Variants in ZNF347 observed in about 807,000 individuals in gnomAD.
ZNF347 encodes zinc finger protein 347, also known as CTD-2620I22.7.
Under a neutral mutation model 12.9 loss-of-function variants are expected in ZNF347, and 19 were observed. The observed-to-expected ratio is 1.47, with a 90% CI of 1.03 to 2.16. The LOEUF is 2.16. Among genes scored for constraint, ZNF347 ranks in the 30% most tolerant of loss-of-function variants. The pLI, the probability that ZNF347 is intolerant of heterozygous loss-of-function variation, is 0.00. For missense variants in ZNF347, 1,005 were observed against 990.6 expected, an observed-to-expected ratio of 1.01 and a Z score of -0.19; for synonymous variants, 328 against 340.6, an observed-to-expected ratio of 0.96 and a Z score of 0.41.
At chr19:53,150,562 C>T (rs184180378) in intron 2 of ZNF347, among the ~76,000 whole-genome samples, 10 of 152,234 alleles carry the variant, frequency 6.6e-5, no homozygotes, top group South Asian at 6.2e-4. Flanking sequence ...ATGTCTAACA[C>T]ACCAAGTGAT....
chr19:53,146,014 T>G (rs1158541850), intron 4 of ZNF347, among the ~76,000 whole-genome samples: 1 of 152,010 alleles, frequency 6.6e-6, no homozygotes, highest in Non-Finnish European at 1.5e-5. Context: ...TTGCTCTTGT[T>G]GCCTGGGCTG....
chr19:53,150,261 T>C (rs1228381783), intron 2 of ZNF347, among the ~76,000 whole-genome samples: 1 of 152,162 alleles, frequency 6.6e-6, no homozygotes, highest in Non-Finnish European at 1.5e-5. Context: ...CAGTGCAGAA[T>C]TGCTCCCTTG....
intron 2 of ZNF347, among the ~76,000 whole-genome samples, chr19:53,151,534 T>TAAAA (rs34905550): frequency 5.0e-5 from 4 of 80,338 alleles, no homozygotes; most frequent in Non-Finnish European, 9.8e-5. Flanking sequence ...CAAGACTGTC[T>TAAAA]AAAAAAAAAA....
In ZNF347 at chr19:53,138,966, C is replaced by A. The variant is rs892687827; in HGVS notation, c.*1342G>T. 9 of 152,004 alleles carry A rather than the reference C, an allele frequency of 5.9e-5. No homozygotes were observed. The highest frequency in any genetic ancestry group is 2.2e-4 in the African/African-American group (9 of 41,370). 9.4% of individuals were successfully genotyped at this position (152,004 alleles called of 1,614,324 possible). A position where few individuals can be genotyped will look rare whatever the true frequency, so the allele number is the denominator to read the frequency against. ...ATTCTGGTTTTTCTGACCAAGCTCT[C>A]CACTCTAATAACTGTTACCTCTTCA... On this transcript the variant is annotated 3_prime_UTR_variant, in exon 5 of 5. Transcript: ENST00000334197.
intron 3 of ZNF347, 121 bp downstream of exon 3, chr19:53,149,119 AT>A: frequency 1.3e-6 from 2 of 1,541,396 alleles, no homozygotes; most frequent in Non-Finnish European, 1.7e-6. Flanking sequence ...GGAGATTTTC[AT>A]TTTTCAGTCA....
At position 53,148,749 on chromosome 19, in the gene ZNF347, G is replaced by A. The variant is rs758532440; in HGVS notation, c.203C>T (p.Thr68Ile). 7 of 1,613,744 alleles carry A rather than the reference G, an allele frequency of 4.3e-6. No homozygotes were observed. Among genetic ancestry groups the A allele is most frequent in the Non-Finnish European group, 5.9e-6 (7 of 1,179,678 alleles). ...TGCTATTTGTACTTGGCTCTCCAAA[G>A]TGAAAGGCTCCTTCCCTTGCTCCAA... is the stretch of plus-strand genomic sequence containing the variant. The part of the protein sequence containing the change: ...SMLEQGKEPF[T>I]LESQVQIAGN... Residue 68 changes from threonine (T) to isoleucine (I), a missense_variant, in exon 4 of 5, where the codon ACT (threonine) becomes ATT (isoleucine). Coordinates refer to ENST00000334197, the MANE Select transcript of ZNF347 (RefSeq NM_032584.3).
rs2090404645 is a variant in ZNF347 at position 53,139,298 on chromosome 19, T to G, written c.*1010A>C. The G allele has an allele frequency of 6.6e-6, 1 of 152,132 alleles. No individual in the cohort carries two copies. The highest frequency in any genetic ancestry group is 2.4e-5 in the African/African-American group (1 of 41,420). The allele number at this position is 152,132 out of a possible 1,614,324, so 9.4% of individuals were successfully genotyped here. ...TGCCCCAAAACCATGGTCTCTCAAT[T>G]GAGAGAATATTTAATTTTACAAGGC... On this transcript the variant is annotated 3_prime_UTR_variant, in exon 5 of 5. Coordinates refer to ENST00000334197, the MANE Select transcript of ZNF347 (RefSeq NM_032584.3).
Position 53,140,369 on chromosome 19 carries a change from C to T in ZNF347, c.2459G>A (p.Cys820Tyr). The T allele has an allele frequency of 6.2e-7, 1 of 1,600,608 alleles. No homozygotes were observed. The highest frequency in any genetic ancestry group is 2.2e-5 in the East Asian group (1 of 44,838). Residue 820 changes from cysteine (C) to tyrosine (Y), a missense_variant, in exon 5 of 5, where the codon TGT becomes TAT. Coordinates refer to ENST00000334197, the MANE Select transcript of ZNF347 (RefSeq NM_032584.3). Reference protein sequence around the residue: ...TIHTGGKPYKCNVWKVLKSEF... With the variant: ...TIHTGGKPYKYNVWKVLKSEF... ...TGACTTTAGAACTTTCCACACGTTA[C>T]ATTTGTAAGGTTTCCCACCAGTATG...
intron 4 of ZNF347, among the ~76,000 whole-genome samples, chr19:53,145,759 A>C (rs2090458828): frequency 6.6e-6 from 1 of 152,068 alleles, no homozygotes; most frequent in South Asian, 2.1e-4. Flanking sequence ...AAAGCAGCAA[A>C]AAGAGGAAAG....
chr19:53,150,741 C>A (rs73583164), intron 2 of ZNF347, among the ~76,000 whole-genome samples: 1 of 152,078 alleles, frequency 6.6e-6, no homozygotes, highest in East Asian at 1.9e-4. Context: ...TATTTATTTA[C>A]TTACTTACTT....
chr19:53,148,571 C>G, intron 4 of ZNF347, 110 bp downstream of exon 4: 1 of 1,275,402 alleles, frequency 7.8e-7, no homozygotes, highest in Non-Finnish European at 1.1e-6. Context: ...GATTTCTGTT[C>G]TGAGGTCACA....
Position 53,138,367 on chromosome 19 carries a change from T to C in ZNF347, c.*1941A>G, listed in dbSNP as rs2090398450. 6.6e-6 allele frequency: 1 copy of C among 152,052 alleles called. No individual in the cohort carries two copies. The highest frequency in any genetic ancestry group is 2.4e-5 in the African/African-American group (1 of 41,366). 9.4% of individuals were successfully genotyped at this position (152,052 alleles called of 1,614,324 possible). A position where few individuals can be genotyped will look rare whatever the true frequency, so the allele number is the denominator to read the frequency against. ...CCTGGACTCAAGTGACCCCCCTGCC[T>C]TGGGCTCTCAAAGTGCTAGGATTAC... is the stretch of plus-strand genomic sequence containing the variant. On this transcript the variant is annotated 3_prime_UTR_variant, in exon 5 of 5. Coordinates refer to ENST00000334197, the MANE Select transcript of ZNF347 (RefSeq NM_032584.3).
In ZNF347 at chr19:53,141,972, C is replaced by T; in HGVS notation, c.856G>A (p.Glu286Lys). 2 of 1,614,064 alleles carry T rather than the reference C, an allele frequency of 1.2e-6. No homozygotes were observed. The highest frequency in any genetic ancestry group is 1.7e-6 in the Non-Finnish European group (2 of 1,180,004). ...CACTCATAACATTTGTAAGGTTTCT[C>T]TTTAGTATGACTTCTCTGATGACTT... The part of the protein sequence containing the change: ...LASHQRSHTK[E>K]KPYKCYECGK... Residue 286 changes from glutamate (E) to lysine (K), a missense_variant, in exon 5 of 5, where the codon GAG becomes AAG. Transcript: ENST00000334197.
In ZNF347 at chr19:53,141,084, A is replaced by C. The variant is rs2090421850; in HGVS notation, c.1744T>G (p.Ser582Ala). 7.4e-6 allele frequency: 12 copies of C among 1,613,814 alleles called. No homozygotes were observed. Among genetic ancestry groups the C allele is most frequent in the Non-Finnish European group, 9.3e-6 (11 of 1,179,944 alleles). ...NECGKVFTQN[S>A]HLARHRGIHT... Reference sequence around the variant, plus strand: ...ATTCCCCGATGTCTTGCAAGGTGTGAATTCTGAGTGAAGACCTTGCCACAC... The same window carrying C: ...ATTCCCCGATGTCTTGCAAGGTGTGCATTCTGAGTGAAGACCTTGCCACAC... The change falls in exon 5 of 5, where the codon TCA becomes GCA. Residue 582 changes from serine (S) to alanine (A), a missense_variant. Transcript: ENST00000334197.
Position 53,141,826 on chromosome 19 carries a change from TTG to T in ZNF347, c.1000_1001del (p.Gln334ThrfsTer12). On this transcript the variant is annotated frameshift_variant, in exon 5 of 5. Transcript: ENST00000334197. LOFTEE classifies it low-confidence loss of function (END_TRUNC). ...TCTCTCCAGTGTGAATTTTCTGATG[TTG>T]TGAGAGTTGTGAATTTCGACTAAAG... ...KVFSRNSQLSQHQKIHTGEKP... is the reference protein window; with the variant it reads ...KVFSRNSQLSXHQKIHTGEKP... 1 of 1,614,074 alleles carries T rather than the reference TTG, an allele frequency of 6.2e-7. No homozygotes were observed. The highest frequency in any genetic ancestry group is 8.5e-7 in the Non-Finnish European group (1 of 1,179,996).
At chr19:53,150,674 G>A (rs145343900) in intron 2 of ZNF347, among the ~76,000 whole-genome samples, 5 of 152,152 alleles carry the variant, frequency 3.3e-5, no homozygotes, top group Admixed American at 6.6e-5. Flanking sequence ...TGTGATCATC[G>A]CAATAACAAT....
chr19:53,141,318 G>A lies in ZNF347; in HGVS notation c.1510C>T (p.Gln504Ter). The A allele has an allele frequency of 6.2e-7, 1 of 1,613,690 alleles. No homozygotes were observed. The highest frequency in any genetic ancestry group is 8.5e-7 in the Non-Finnish European group (1 of 1,179,948). ...GGCTTTTCTCCAGTATGGATGACCTGATGGGTAGTTAGGTTTGAATGTGCT... is the reference window on the plus strand; with the variant it reads ...GGCTTTTCTCCAGTATGGATGACCTAATGGGTAGTTAGGTTTGAATGTGCT... Reference protein sequence around the residue: ...FRAHSNLTTHQVIHTGEKPYK... With the variant: ...FRAHSNLTTH The change falls in exon 5 of 5, where the codon CAG becomes TAG. Residue 504 changes from glutamine to a stop codon, truncating the protein, a stop_gained. Transcript: ENST00000334197. LOFTEE classifies it low-confidence loss of function (END_TRUNC).
chr19:53,149,147 A>G (rs912101140), intron 3 of ZNF347, 94 bp downstream of exon 3: 26 of 1,572,722 alleles, frequency 1.7e-5, no homozygotes, highest in Admixed American at 8.6e-5. Flanking sequence ...CTTCAGTCTC[A>G]GCCAAGCAAT....
At chr19:53,149,036 G>T in intron 3 of ZNF347, 2 of 1,168,760 alleles carry the variant, frequency 1.7e-6, no homozygotes, top group Non-Finnish European at 2.3e-6. Flanking sequence ...ACAGGGAATT[G>T]GATATTTTAA....
Sources: allele counts gnomAD v4.1 joint callset (sites outside exome capture counted in the v4.1 genomes callset), GRCh38; gene constraint gnomAD v4.1.1; transcripts MANE v1.5; gene names NCBI Gene and HGNC (gene_info 2026-07-23, HGNC 2026-07-21).